Variants in CLNK observed in about 807,000 individuals in gnomAD.
CLNK encodes cytokine dependent hematopoietic cell linker.
In CLNK, 74 loss-of-function variants were observed where a neutral mutation model predicts 68.6. The ratio of observed to expected loss-of-function variants is 1.08; its 90% CI spans 0.89 to 1.31. CLNK has a LOEUF of 1.31. CLNK is among the 50% of genes most tolerant of loss of function. The pLI is 0.00. For synonymous variants in CLNK, 198 were observed against 172.2 expected, an observed-to-expected ratio of 1.15 and a Z score of -1.17; for missense variants, 553 against 515.3, an observed-to-expected ratio of 1.07 and a Z score of -0.71.
chr4:10,650,905 A>C (rs572358057), intron 2 of CLNK, among the ~76,000 whole-genome samples: 2 of 152,342 alleles, frequency 1.3e-5, no homozygotes, highest in South Asian at 4.1e-4. Flanking sequence ...ATGAACAGAC[A>C]CTTCTCAAAA....
At chr4:10,647,654 A>G (rs1035176070) in intron 2 of CLNK, among the ~76,000 whole-genome samples, 6 of 152,140 alleles carry the variant, frequency 3.9e-5, no homozygotes, top group African/African-American at 1.2e-4. Context: ...GAAGTACTCT[A>G]TATTAAGTAA....
At chr4:10,674,394 A>G (rs1441428030) in intron 1 of CLNK, among the ~76,000 whole-genome samples, 1 of 152,244 alleles carries the variant, frequency 6.6e-6, no homozygotes, top group Non-Finnish European at 1.5e-5. Context: ...CAACATGGGC[A>G]ATAAAATTGC....
chr4:10,712,474 G>A, the CLNK span, among the ~76,000 whole-genome samples: 1 of 152,178 alleles, frequency 6.6e-6, no homozygotes, highest in Non-Finnish European at 1.5e-5. Context: ...GAGGAATTTA[G>A]CTTATAGTTT....
intron 2 of CLNK, among the ~76,000 whole-genome samples, chr4:10,611,732 G>A (rs942714005): frequency 6.6e-6 from 1 of 152,122 alleles, no homozygotes; most frequent in African/African-American, 2.4e-5. Flanking sequence ...CTGCTCCTGG[G>A]GGTGGCTCCT....
At chr4:10,577,212 T>G (rs1442038937) in intron 4 of CLNK, among the ~76,000 whole-genome samples, 1 of 152,166 alleles carries the variant, frequency 6.6e-6, no homozygotes, top group African/African-American at 2.4e-5. Flanking sequence ...AAAACCAGCT[T>G]CCGGTTTCAT....
intron 12 of CLNK, among the ~76,000 whole-genome samples, chr4:10,529,815 A>G (rs1718466175): frequency 6.6e-6 from 1 of 152,190 alleles, no homozygotes; most frequent in South Asian, 2.1e-4. Flanking sequence ...GTTTTATTTA[A>G]TTGAGACCAA....
At chr4:10,679,090 G>A (rs1372879169) in intron 1 of CLNK, among the ~76,000 whole-genome samples, 1 of 152,132 alleles carries the variant, frequency 6.6e-6, no homozygotes, top group African/African-American at 2.4e-5. Flanking sequence ...AAAGCTGGAG[G>A]CATCAGACTA....
chr4:10,564,030 A>C (rs1208378141), intron 7 of CLNK, among the ~76,000 whole-genome samples: 2 of 152,150 alleles, frequency 1.3e-5, no homozygotes, highest in Non-Finnish European at 1.5e-5. Context: ...AAGAAAATTA[A>C]GTGTTAGCAA....
chr4:10,703,356 C>A, the CLNK span, among the ~76,000 whole-genome samples: 1 of 152,138 alleles, frequency 6.6e-6, no homozygotes, highest in African/African-American at 2.4e-5. Context: ...AATACTGAGT[C>A]AACTGGTAGA....
chr4:10,646,903 A>C (rs570438500), intron 2 of CLNK, among the ~76,000 whole-genome samples: 1 of 152,342 alleles, frequency 6.6e-6, no homozygotes, highest in South Asian at 2.1e-4. Flanking sequence ...GAAATTGCTG[A>C]ACCAAGACTT....
chr4:10,585,414 A>G (rs1414249961), intron 3 of CLNK, among the ~76,000 whole-genome samples: 1 of 152,228 alleles, frequency 6.6e-6, no homozygotes, highest in Middle Eastern at 3.2e-3. Context: ...AAATGTAGCC[A>G]ACTGTTCGAA....
At position 10,679,916 on chromosome 4, in the gene CLNK, G is replaced by T. The variant is rs934285021; in HGVS notation, c.-43+4752C>A. Among the ~76,000 whole-genome samples, 6 of 152,156 alleles carry T rather than the reference G, an allele frequency of 3.9e-5. 1 individual carries two copies. Among genetic ancestry groups the T allele is most frequent in the Admixed American group, 3.9e-4 (6 of 15,282 alleles). ...AAATAGGAACACTTTTACACTGTTG[G>T]TGGGACTGTAAACTAGTTCAACTAT... On this transcript the variant is annotated intron_variant, in intron 1 of 18. Coordinates refer to ENST00000226951, the MANE Select transcript of CLNK (RefSeq NM_052964.4).
intron 16 of CLNK, among the ~76,000 whole-genome samples, chr4:10,510,275 A>C (rs1293642197): frequency 6.6e-6 from 1 of 152,110 alleles, no homozygotes; most frequent in African/African-American, 2.4e-5. Context: ...AGCCCCCCTG[A>C]ATAATTCAAA....
chr4:10,499,302 C>G (rs1481324800), intron 18 of CLNK, among the ~76,000 whole-genome samples: 1 of 152,206 alleles, frequency 6.6e-6, no homozygotes, highest in African/African-American at 2.4e-5. Context: ...CAGGTATGCT[C>G]TCATTGCGAC....
intron 18 of CLNK, among the ~76,000 whole-genome samples, chr4:10,490,814 G>GA (rs1204115907): frequency 6.6e-6 from 1 of 152,106 alleles, no homozygotes; most frequent in Non-Finnish European, 1.5e-5. Flanking sequence ...ACCCAGGCTG[G>GA]AATGCAGTGC....
chr4:10,710,501 A>G, the CLNK span, among the ~76,000 whole-genome samples: 1 of 152,198 alleles, frequency 6.6e-6, no homozygotes, highest in Admixed American at 6.5e-5. Flanking sequence ...GTGTTCTTCA[A>G]GAAGTGATTA....
chr4:10,528,999 C>T (rs1718429180), intron 12 of CLNK, among the ~76,000 whole-genome samples: 1 of 152,116 alleles, frequency 6.6e-6, no homozygotes, highest in Non-Finnish European at 1.5e-5. Context: ...GGGCCCTATT[C>T]TACTCTACCC....
chr4:10,537,613 C>T (rs1190862309), intron 11 of CLNK, among the ~76,000 whole-genome samples: 3 of 147,656 alleles, frequency 2.0e-5, no homozygotes, highest in Non-Finnish European at 4.5e-5. Context: ...TTCTCCCTTT[C>T]TCTCTCTCTT....
the CLNK span, among the ~76,000 whole-genome samples, chr4:10,690,309 G>C: frequency 1.3e-5 from 2 of 152,132 alleles, no homozygotes; most frequent in Non-Finnish European, 2.9e-5. Flanking sequence ...CCAGGGCTCA[G>C]TATAAGAGCT....
Sources: gnomAD v4.1 joint callset for allele counts (sites outside exome capture counted in the v4.1 genomes callset) on GRCh38, gnomAD v4.1.1 for gene constraint, MANE v1.5 for transcripts, NCBI Gene and HGNC (gene_info 2026-07-23, HGNC 2026-07-21) for gene names.